HECW2: variants seen among roughly 807,000 people sequenced by gnomAD.
The protein encoded by HECW2 is E3 ubiquitin-protein ligase HECW2.
Under a neutral mutation model 175.2 loss-of-function variants are expected in HECW2, and 61 were observed. The ratio of observed to expected loss-of-function variants is 0.35; its 90% CI spans 0.28 to 0.43. The LOEUF is 0.43. HECW2 is among the 20% of genes least tolerant of loss of function. The probability of loss-of-function intolerance (pLI) is 1.00; values close to 1 mark genes in which losing one functional copy is unlikely to be tolerated. For missense variants in HECW2, 1,524 were observed against 2,000.5 expected, an observed-to-expected ratio of 0.76 and a Z score of 4.54; for synonymous variants, 671 against 731.0, an observed-to-expected ratio of 0.92 and a Z score of 1.32.
chr2:196,591,545 C>G (rs1335098298), intron 1 of HECW2, among the ~76,000 whole-genome samples: 1 of 152,074 alleles, frequency 6.6e-6, no homozygotes, highest in Non-Finnish European at 1.5e-5. Flanking sequence ...TTTGAATGTT[C>G]AACAAAAAGA....
chr2:196,447,100 T>C (rs891430086), intron 1 of HECW2, among the ~76,000 whole-genome samples: 5 of 152,250 alleles, frequency 3.3e-5, no homozygotes, highest in Non-Finnish European at 7.3e-5. Flanking sequence ...TTCAGTGTCA[T>C]GATCCAGCTT....
intron 2 of HECW2, among the ~76,000 whole-genome samples, chr2:196,402,034 A>G (rs1030168764): frequency 6.6e-6 from 1 of 151,746 alleles, no homozygotes; most frequent in Non-Finnish European, 1.5e-5. Context: ...CCGTGTCTCT[A>G]CTAAAAATAC....
chr2:196,402,449 A>C (rs1694848092), intron 2 of HECW2, among the ~76,000 whole-genome samples: 1 of 152,178 alleles, frequency 6.6e-6, no homozygotes. Flanking sequence ...AGCCATTAAT[A>C]GTGTGCATGG....
At chr2:196,374,050 T>TAAAA (rs1379110469) in intron 2 of HECW2, among the ~76,000 whole-genome samples, 32 of 147,176 alleles carry the variant, frequency 2.2e-4, no homozygotes, top group African/African-American at 8.3e-4. Context: ...TAAAATAAAA[T>TAAAA]AAATAAATAA....
At chr2:196,447,211 G>T (rs535481200) in intron 1 of HECW2, among the ~76,000 whole-genome samples, 4 of 151,170 alleles carry the variant, frequency 2.6e-5, no homozygotes, top group African/African-American at 7.3e-5. Flanking sequence ...TTTTCCAATT[G>T]TTTTTTTTTA....
At chr2:196,521,870 T>A (rs1688406388) in intron 1 of HECW2, among the ~76,000 whole-genome samples, 1 of 150,784 alleles carries the variant, frequency 6.6e-6, no homozygotes, top group African/African-American at 2.4e-5. Flanking sequence ...ATTTTCTTAA[T>A]CCAGTCTATC....
intron 13 of HECW2, among the ~76,000 whole-genome samples, chr2:196,301,835 T>C (rs1285841919): frequency 6.6e-6 from 1 of 152,090 alleles, no homozygotes; most frequent in African/African-American, 2.4e-5. Flanking sequence ...CTGTAGGTTG[T>C]CTGTTCACTC....
intron 2 of HECW2, among the ~76,000 whole-genome samples, chr2:196,364,658 T>C (rs754514839): frequency 1.9e-4 from 29 of 152,356 alleles, no homozygotes; most frequent in Non-Finnish European, 3.5e-4. Context: ...TGATATCATA[T>C]GGTGCTAGGC....
intron 1 of HECW2, among the ~76,000 whole-genome samples, chr2:196,574,406 G>A (rs1307772317): frequency 6.6e-6 from 1 of 151,956 alleles, no homozygotes; most frequent in Non-Finnish European, 1.5e-5. Flanking sequence ...CTCCAGTGTG[G>A]GCGATAGAGT....
rs1003041802 is a variant in HECW2 at position 196,247,525 on chromosome 2, A to G, written c.3530-5321T>C. Among the ~76,000 whole-genome samples, 4 of 152,292 alleles carry G rather than the reference A, an allele frequency of 2.6e-5. No homozygotes were observed. In the East Asian group the frequency reaches 7.7e-4, roughly 29 times the overall value. On this transcript the variant is annotated intron_variant, in intron 19 of 28. Transcript: ENST00000644978. ...GGTACAAAAGATCAATGTTACATCA[A>G]ATGAAGGGCTGACTTCATGGATAGT...
intron 1 of HECW2, among the ~76,000 whole-genome samples, chr2:196,462,779 T>C (rs1230313279): frequency 2.0e-5 from 3 of 151,874 alleles, no homozygotes; most frequent in Non-Finnish European, 4.4e-5. Context: ...TCAAAACAAC[T>C]GTACTTTTTC....
At chr2:196,490,726 G>C (rs114170549) in intron 1 of HECW2, among the ~76,000 whole-genome samples, 1,843 of 152,238 alleles carry the variant, frequency 0.012, 41 homozygotes, top group African/African-American at 0.042. Context: ...ACTGGTGAAT[G>C]ATTAAACAAA....
At chr2:196,449,931 A>C (rs1000120855) in intron 1 of HECW2, among the ~76,000 whole-genome samples, 3 of 152,146 alleles carry the variant, frequency 2.0e-5, no homozygotes, top group Admixed American at 2.0e-4. Flanking sequence ...TAAAGAAGAG[A>C]CTTGGAATCA....
chr2:196,586,130 T>G lies in HECW2; in HGVS notation c.-36+7378A>C, dbSNP rs1424378853. On this transcript the variant is annotated intron_variant, in intron 1 of 28. Coordinates refer to ENST00000644978, the MANE Select transcript of HECW2 (RefSeq NM_001348768.2). Reference sequence around the variant, plus strand: ...TCTAGCAGGTCACTGAGAGATACTATGCTTATGATATAAATGGCTGTCTAT... The same window carrying G: ...TCTAGCAGGTCACTGAGAGATACTAGGCTTATGATATAAATGGCTGTCTAT... Among the ~76,000 whole-genome samples the G allele has an allele frequency of 3.9e-5, 6 of 152,340 alleles. 1 individual carries two copies. Among genetic ancestry groups the G allele is most frequent in the Non-Finnish European group, 7.4e-5 (5 of 68,022 alleles).
intron 3 of HECW2, among the ~76,000 whole-genome samples, chr2:196,336,717 T>C (rs994709600): frequency 3.3e-5 from 5 of 152,174 alleles, no homozygotes; most frequent in Non-Finnish European, 7.3e-5. Flanking sequence ...CCATTTTGGG[T>C]GTTACTTTAT....
chr2:196,248,590 A>C (rs1688733688), intron 19 of HECW2, among the ~76,000 whole-genome samples: 1 of 97,130 alleles, frequency 1.0e-5, no homozygotes, highest in African/African-American at 4.2e-5. Context: ...AGAGAGAGAG[A>C]CAGACAGACA....
chr2:196,467,327 C>A (rs1352994248), intron 1 of HECW2, among the ~76,000 whole-genome samples: 17 of 151,968 alleles, frequency 1.1e-4, no homozygotes, highest in Admixed American at 1.1e-3. Flanking sequence ...TATTATTAGC[C>A]TCTACAGAAT....
At chr2:196,318,409 C>T (rs773445071) in intron 9 of HECW2, 143 bp downstream of exon 9, 6 of 989,502 alleles carry the variant, frequency 6.1e-6, no homozygotes, top group African/African-American at 1.7e-5. Context: ...AATCTTGCCT[C>T]TCTTCTTGCC....
intron 1 of HECW2, 71 bp from the exon 2 acceptor site, chr2:196,433,529 T>G: frequency 9.0e-7 from 1 of 1,113,724 alleles, no homozygotes; most frequent in South Asian, 1.6e-5. Flanking sequence ...TTTCCAGACA[T>G]AAAGCCTTAA....
Sources: gnomAD v4.1 joint callset for allele counts (sites outside exome capture counted in the v4.1 genomes callset) on GRCh38, gnomAD v4.1.1 for gene constraint, MANE v1.5 for transcripts, NCBI Gene and HGNC (gene_info 2026-07-23, HGNC 2026-07-21) for gene names.